The following MTBP variants were observed in gnomAD, a reference collection of about 807,000 sequenced individuals.
MTBP encodes the protein mdm2-binding protein.
Under a neutral mutation model 117.0 loss-of-function variants are expected in MTBP, and 101 were observed. The observed-to-expected ratio is 0.86, with a 90% CI of 0.73 to 1.02. MTBP has a LOEUF of 1.02. Among genes scored for constraint, MTBP ranks in the 50% least tolerant of loss-of-function variants. The pLI, the probability that MTBP is intolerant of heterozygous loss-of-function variation, is 0.00. For synonymous variants in MTBP, 350 were observed against 351.5 expected (o/e 1.00, Z 0.05); for missense variants, 970 against 1,030.9 (o/e 0.94, Z 0.81).
chr8:120,510,058 T>C (rs776063045), intron 17 of MTBP, 29 bp downstream of exon 17: 1 of 1,438,638 alleles, frequency 7.0e-7, no homozygotes, highest in Non-Finnish European at 9.7e-7. Flanking sequence ...TTTACTCTTC[T>C]GTATGTTGTT....
In MTBP at chr8:120,486,959, G is replaced by A. The variant is rs935195466; in HGVS notation, c.1166-1200G>A. On this transcript the variant is annotated intron_variant, in intron 11 of 21. Coordinates refer to ENST00000305949, the MANE Select transcript of MTBP (RefSeq NM_022045.5). ...GTTGTGCTTGTATTGCTGGGGAGTG[G>A]GTCCACAGACTTTCTCACCCTGCCA... 2.6e-5 allele frequency among the ~76,000 whole-genome samples: 4 copies of A among 152,016 alleles called. No homozygotes were observed. In the South Asian group the frequency reaches 8.3e-4, roughly 32 times the overall value.
At position 120,502,512 on chromosome 8, in the gene MTBP, A is replaced by G. The variant is rs759722295; in HGVS notation, c.1630A>G (p.Asn544Asp). The G allele has an allele frequency of 3.8e-6, 6 of 1,599,538 alleles. No homozygotes were observed. The Admixed American group carries it at 8.7e-5, about 23-fold the overall frequency. Reference sequence around the variant, plus strand: ...TTTAGATTTTAGTCCAGTGGAACCTAATTCCTCAAGTCTAATGGAAACCAA... The same window carrying G: ...TTTAGATTTTAGTCCAGTGGAACCTGATTCCTCAAGTCTAATGGAAACCAA... ...ILNDFSPVEP[N>D]SSSLMETNPL... The change falls in exon 15 of 22, where the codon AAT (asparagine) becomes GAT (aspartate). Residue 544 changes from asparagine to aspartate, a missense_variant. By Grantham distance (23) the Asn-to-Asp change is conservative. Transcript: ENST00000305949.
At chr8:120,445,656 C>A in intron 1 of MTBP, 68 bp downstream of exon 1, 10 of 1,300,890 alleles carry the variant, frequency 7.7e-6, no homozygotes, top group Non-Finnish European at 1.1e-5. Flanking sequence ...GTTTTGTGAT[C>A]AAGTTCTGCT....
At chr8:120,495,741 T>A (rs964431636) in intron 13 of MTBP, among the ~76,000 whole-genome samples, 1 of 152,102 alleles carries the variant, frequency 6.6e-6, no homozygotes, top group African/African-American at 2.4e-5. Flanking sequence ...AATTTTAGAG[T>A]CATTTTTTGT....
chr8:120,466,869 GT>G (rs1813706149), intron 10 of MTBP, among the ~76,000 whole-genome samples: 1 of 152,050 alleles, frequency 6.6e-6, no homozygotes, highest in Non-Finnish European at 1.5e-5. Flanking sequence ...GCGAGACTCC[GT>G]CTCAAAAAAT....
intron 5 of MTBP, among the ~76,000 whole-genome samples, 157 bp downstream of exon 5, chr8:120,454,062 A>G (rs1363830561): frequency 6.6e-6 from 1 of 152,166 alleles, no homozygotes; most frequent in African/African-American, 2.4e-5. Flanking sequence ...GAATGTATCC[A>G]TGGGAGTACA....
chr8:120,497,978 A>G (rs1372255700), intron 14 of MTBP, among the ~76,000 whole-genome samples: 1 of 152,166 alleles, frequency 6.6e-6, no homozygotes, highest in South Asian at 2.1e-4. Context: ...ATAGGGGAGG[A>G]ACAGTCAGAC....
rs965718184 is a variant in MTBP at position 120,518,760 on chromosome 8, T to C, written c.2553T>C (p.His851=). The change falls in exon 20 of 22, where the codon CAT becomes CAC. Residue 851 remains histidine, a synonymous_variant. Transcript: ENST00000305949. ...TLKKHSITET[H]ECFTACSQRL... is the part of the protein sequence containing the mutation. ...AGAAACACAGTATTACCGAGACTCA[T>C]GAATGTTTCACTGCATGCAGCCAGC... 25 of 1,612,006 alleles carry C rather than the reference T, an allele frequency of 1.6e-5. No homozygotes were observed. The highest frequency in any genetic ancestry group is 2.0e-5 in the Non-Finnish European group (23 of 1,178,724).
intron 10 of MTBP, among the ~76,000 whole-genome samples, chr8:120,465,142 G>A (rs1014348839): frequency 3.3e-5 from 5 of 152,038 alleles, no homozygotes; most frequent in African/African-American, 1.2e-4. Context: ...TTTAATCCAG[G>A]TAGCCAAGTA....
intron 11 of MTBP, among the ~76,000 whole-genome samples, chr8:120,487,802 C>G (rs1055980708): frequency 1.3e-5 from 2 of 152,192 alleles, no homozygotes; most frequent in African/African-American, 4.8e-5. Context: ...CTGCTCCCAC[C>G]AATTAAGTTG....
chr8:120,491,287 C>T (rs1228309600), intron 13 of MTBP, among the ~76,000 whole-genome samples: 2 of 151,988 alleles, frequency 1.3e-5, no homozygotes, highest in Non-Finnish European at 2.9e-5. Context: ...AAAATAAGAA[C>T]TATCATTCTT....
At position 120,521,056 on chromosome 8, in the gene MTBP, C is replaced by T. The variant is rs78529392; in HGVS notation, c.2611-1598C>T. Among the ~76,000 whole-genome samples, 1,112 of 152,080 alleles carry T rather than the reference C, an allele frequency of 7.3e-3. 10 individuals are homozygous for T. The highest frequency in any genetic ancestry group is 0.026 in the African/African-American group (1,074 of 41,494). On this transcript the variant is annotated intron_variant, in intron 20 of 21. Transcript: ENST00000305949. ...TAATAGGACCAGGCCTAGGCAGCAA[C>T]TAGAACAAATTAGAGGAGGCTATGG...
chr8:120,478,390 A>T (rs1271127936), intron 11 of MTBP, among the ~76,000 whole-genome samples: 1 of 152,084 alleles, frequency 6.6e-6, no homozygotes, highest in East Asian at 1.9e-4. Flanking sequence ...CCCAGAACTT[A>T]AAGTATAATA....
At position 120,453,848 on chromosome 8, in the gene MTBP, C is replaced by G. The variant is rs200036221; in HGVS notation, c.427C>G (p.Leu143Val). 1.3e-6 allele frequency: 2 copies of G among 1,551,792 alleles called. No homozygotes were observed. Among genetic ancestry groups the G allele is most frequent in the African/African-American group, 1.4e-5 (1 of 73,228 alleles). Residue 143 changes from leucine (L) to valine (V), a missense_variant and splice_region_variant, in exon 5 of 22, where the codon CTC becomes GTC. Coordinates refer to ENST00000305949, the MANE Select transcript of MTBP (RefSeq NM_022045.5). ...CCCTAACTTACCCTTTTATTTTAGT[C>G]TCTATGAAGAAGCTGCAGAAAATTT... Reference protein sequence around the residue: ...NSRESLSLADLYEEAAENLHQ... With the variant: ...NSRESLSLADVYEEAAENLHQ...
At position 120,455,417 on chromosome 8, in the gene MTBP, G is replaced by A. The variant is rs1813446971; in HGVS notation, c.485-18G>A. 1 of 1,536,336 alleles carries A rather than the reference G, an allele frequency of 6.5e-7. No homozygotes were observed. Among genetic ancestry groups the A allele is most frequent in the Non-Finnish European group, 8.8e-7 (1 of 1,140,404 alleles). ...CTAACTTTTTAAAAATTACAAAAATGCCTTTTTCTCTTTCTAGGTAGAGCA... is the reference window on the plus strand; with the variant it reads ...CTAACTTTTTAAAAATTACAAAAATACCTTTTTCTCTTTCTAGGTAGAGCA... On this transcript the variant is annotated intron_variant, in intron 5 of 21. Transcript: ENST00000305949.
At chr8:120,471,708 T>C (rs1226907975) in intron 11 of MTBP, 2 of 152,160 alleles carry the variant, frequency 1.3e-5, no homozygotes, top group African/African-American at 2.4e-5. Context: ...CATATACTTA[T>C]TTTTATCCCC....
At chr8:120,471,002 A>G in intron 11 of MTBP, 65 bp downstream of exon 11, 1 of 1,084,246 alleles carries the variant, frequency 9.2e-7, no homozygotes, top group Non-Finnish European at 1.4e-6. Context: ...TCAAATTTGA[A>G]GTGAAGATAA....
intron 14 of MTBP, 118 bp downstream of exon 14, chr8:120,497,672 T>C: frequency 1.6e-6 from 1 of 637,146 alleles, no homozygotes; most frequent in Non-Finnish European, 2.6e-6. Flanking sequence ...ATTTAAATAA[T>C]AATAGATACT....
chr8:120,451,263 T>G lies in MTBP; in HGVS notation c.366T>G (p.Gly122=). 2 of 1,612,978 alleles carry G rather than the reference T, an allele frequency of 1.2e-6. No homozygotes were observed. The highest frequency in any genetic ancestry group is 1.1e-5 in the South Asian group (1 of 91,008). The change falls in exon 4 of 22, where the codon GGT becomes GGG. Residue 122 remains glycine (G), a synonymous_variant. Transcript: ENST00000305949. ...AAACGAATATCGAAGAATGTTTGGG[T>G]GCTGTTGAGTGTTTTGAAGAAGAAG... ...VLQTNIEECL[G]AVECFEEEDS...
Sources: gnomAD v4.1 joint callset for allele counts (sites outside exome capture counted in the v4.1 genomes callset) on GRCh38, gnomAD v4.1.1 for gene constraint, MANE v1.5 for transcripts, NCBI Gene and HGNC (gene_info 2026-07-23, HGNC 2026-07-21) for gene names.